The following FAM184A variants were observed in gnomAD, a reference collection of about 807,000 sequenced individuals.
FAM184A encodes family with sequence similarity 184 member A, also known as protein FAM184A.
FAM184A carries 99 observed loss-of-function variants against 143.8 expected under a neutral mutation model. The ratio of observed to expected loss-of-function variants is 0.69; its 90% CI spans 0.58 to 0.81. FAM184A has a LOEUF of 0.81. Among genes scored for constraint, FAM184A ranks in the 40% least tolerant of loss-of-function variants. The pLI is 0.00. For synonymous variants in FAM184A, 427 were observed against 446.4 expected (o/e 0.96, Z 0.55); for missense variants, 1,217 against 1,310.5 (o/e 0.93, Z 1.10).
intron 17 of FAM184A, 117 bp downstream of exon 17, chr6:118,961,644 A>G: frequency 1.2e-6 from 1 of 865,854 alleles, no homozygotes; most frequent in East Asian, 2.4e-5. Flanking sequence ...TTTGAAGAAA[A>G]TATTTCATAG....
intron 1 of FAM184A, among the ~76,000 whole-genome samples, chr6:119,092,762 C>A (rs1405838676): frequency 6.6e-6 from 1 of 152,126 alleles, no homozygotes; most frequent in Admixed American, 6.6e-5. Flanking sequence ...TTATTGGGTT[C>A]TGGGTCTGAT....
chr6:119,087,015 G>T (rs1788240661), intron 1 of FAM184A, among the ~76,000 whole-genome samples: 1 of 152,072 alleles, frequency 6.6e-6, no homozygotes, highest in Non-Finnish European at 1.5e-5. Context: ...AGGAGGGGAG[G>T]CTCCTAGCAC....
intron 1 of FAM184A, among the ~76,000 whole-genome samples, chr6:119,145,227 C>T (rs1490706445): frequency 6.6e-6 from 1 of 152,154 alleles, no homozygotes; most frequent in African/African-American, 2.4e-5. Flanking sequence ...GGTGGAGTGG[C>T]CTATCATGGC....
intron 1 of FAM184A, among the ~76,000 whole-genome samples, chr6:119,084,114 G>A (rs1325525216): frequency 6.6e-6 from 1 of 151,948 alleles, no homozygotes; most frequent in African/African-American, 2.4e-5. Context: ...AAAGCAAAGG[G>A]GGAGGTCCCA....
At chr6:119,034,037 T>TAGAGAG (rs1188109016) in intron 1 of FAM184A, among the ~76,000 whole-genome samples, 2 of 42,086 alleles carry the variant, frequency 4.8e-5, no homozygotes, top group African/African-American at 2.0e-4. Context: ...TATATATATA[T>TAGAGAG]ATATAGAGAG....
chr6:119,122,581 A>C (rs1789247128), intron 1 of FAM184A, among the ~76,000 whole-genome samples: 1 of 152,160 alleles, frequency 6.6e-6, no homozygotes, highest in Non-Finnish European at 1.5e-5. Context: ...TGAAAGGAGA[A>C]ACGTGCACAT....
At chr6:119,109,780 T>G (rs1270313601) in intron 1 of FAM184A, among the ~76,000 whole-genome samples, 2 of 152,202 alleles carry the variant, frequency 1.3e-5, no homozygotes, top group African/African-American at 4.8e-5. Context: ...CCTCTTCTCC[T>G]ACTTCTACTC....
intron 1 of FAM184A, among the ~76,000 whole-genome samples, chr6:119,056,996 C>T (rs549476962): frequency 3.9e-5 from 6 of 152,104 alleles, no homozygotes; most frequent in Admixed American, 1.3e-4. Context: ...CCATTTATGC[C>T]GAAGGTTGCA....
At chr6:118,972,269 T>A (rs927288) in intron 14 of FAM184A, among the ~76,000 whole-genome samples, 128,470 of 152,260 alleles carry the variant, frequency 0.84, 54,309 homozygotes, top group East Asian at 0.93. Context: ...ATGAAATTTA[T>A]AAATTCAGCT....
In FAM184A at chr6:119,003,607, C is replaced by T. The variant is rs1304404935; in HGVS notation, c.1831G>A (p.Glu611Lys). 1 of 1,611,712 alleles carries T rather than the reference C, an allele frequency of 6.2e-7. No individual in the cohort carries two copies. Among genetic ancestry groups the T allele is most frequent in the Admixed American group, 1.7e-5 (1 of 59,758 alleles). ...LLNVEGELEQ[E>K]RQQHEETIAA... ...ATTGTTTCTTCATGCTGTTGCCTTT[C>T]TTGTTCTAGCTCACCCTGAAGAATA... Residue 611 changes from glutamate (E) to lysine (K), a missense_variant, in exon 8 of 18, where the codon GAA (glutamate) becomes AAA (lysine). Physicochemically the swap from Glu to Lys is moderately conservative, Grantham distance 56. Coordinates refer to ENST00000338891, the MANE Select transcript of FAM184A (RefSeq NM_024581.6).
intron 1 of FAM184A, among the ~76,000 whole-genome samples, chr6:119,087,455 G>C (rs562559326): frequency 6.2e-4 from 94 of 152,182 alleles, no homozygotes; most frequent in Middle Eastern, 3.4e-3. Context: ...TTCTAAAGAA[G>C]ATATACAGAT....
chr6:119,009,107 A>T (rs1582498564), intron 6 of FAM184A, among the ~76,000 whole-genome samples: 2 of 152,204 alleles, frequency 1.3e-5, no homozygotes, highest in Non-Finnish European at 2.9e-5. Flanking sequence ...ATGCTTTAGT[A>T]ACTGGTACCT....
chr6:119,074,673 C>T (rs1787810641), intron 1 of FAM184A, among the ~76,000 whole-genome samples: 1 of 152,160 alleles, frequency 6.6e-6, no homozygotes, highest in Admixed American at 6.5e-5. Context: ...AAAGTCAACA[C>T]AGTGGAGAGC....
In FAM184A at chr6:119,098,528, C is replaced by T. The variant is rs141840752; in HGVS notation, c.-202+50550G>A. Among the ~76,000 whole-genome samples the T allele has an allele frequency of 4.1e-3, 622 of 152,198 alleles. 5 individuals carry two copies. Among genetic ancestry groups the T allele is most frequent in the South Asian group, 0.037 (177 of 4,816 alleles). On this transcript the variant is annotated intron_variant, in intron 1 of 16. Coordinates refer to the FAM184A transcript ENST00000352896. Reference sequence around the variant, plus strand: ...AAATCATAAATGTATGAAGGCTATACGTTGGTTTGGCTTAAAATGGTGAGA... The same window carrying T: ...AAATCATAAATGTATGAAGGCTATATGTTGGTTTGGCTTAAAATGGTGAGA...
intron 1 of FAM184A, among the ~76,000 whole-genome samples, chr6:119,133,123 G>T (rs1789578925): frequency 6.6e-6 from 1 of 152,038 alleles, no homozygotes. Context: ...CTCATCAGAG[G>T]TCTGAGAATT....
intron 9 of FAM184A, among the ~76,000 whole-genome samples, chr6:118,985,731 A>G (rs1220436535): frequency 6.6e-6 from 1 of 152,196 alleles, no homozygotes; most frequent in East Asian, 1.9e-4. Context: ...TGACTGGGAC[A>G]AGAAAGTAAT....
At chr6:119,113,634 A>AG (rs200178382) in intron 1 of FAM184A, among the ~76,000 whole-genome samples, 27,721 of 150,464 alleles carry the variant, frequency 0.18, 2,658 homozygotes, top group Non-Finnish European at 0.23. Context: ...AGAGAGAGAG[A>AG]AAGAGAGAGA....
chr6:119,102,228 G>T (rs1788656336), intron 1 of FAM184A, among the ~76,000 whole-genome samples: 1 of 152,118 alleles, frequency 6.6e-6, no homozygotes, highest in Non-Finnish European at 1.5e-5. Context: ...AATTTTCAAT[G>T]AAAAGAGTGA....
chr6:119,020,024 T>C lies in FAM184A; in HGVS notation c.1286A>G (p.Gln429Arg), dbSNP rs760586888. Residue 429 changes from glutamine (Q) to arginine (R), a missense_variant, in exon 4 of 18, where the codon CAA (glutamine) becomes CGA (arginine). By Grantham distance (43) the Gln-to-Arg change is conservative. Transcript: ENST00000338891. ...TTGCTTCTGCTCTTCATCCAGACTT[T>C]GGGTTTTGCTTCGCAAAAAAGCTCT... ...EERAFLRSKT[Q>R]SLDEEQKQQI... is the part of the protein sequence containing the mutation. 3.7e-6 allele frequency: 6 copies of C among 1,605,894 alleles called. No homozygotes were observed. The African/African-American group carries it at 4.0e-5, about 11-fold the overall frequency.
Sources: allele counts gnomAD v4.1 joint callset (sites outside exome capture counted in the v4.1 genomes callset), GRCh38; gene constraint gnomAD v4.1.1; transcripts MANE v1.5; gene names NCBI Gene and HGNC (gene_info 2026-07-23, HGNC 2026-07-21).